RPL19: variants seen among roughly 807,000 people sequenced by gnomAD.
RPL19 encodes large ribosomal subunit protein eL19.
In RPL19, 2 loss-of-function variants were observed where a neutral mutation model predicts 25.1. The ratio of observed to expected loss-of-function variants is 0.08; its 90% CI spans 0.03 to 0.25. RPL19 has a LOEUF of 0.25. Ranked by LOEUF, RPL19 falls within the 10% of genes least tolerant of loss-of-function variation. The probability of loss-of-function intolerance (pLI) is 1.00; values close to 1 mark genes in which losing one functional copy is unlikely to be tolerated. For synonymous variants in RPL19, 89 were observed against 91.2 expected, an observed-to-expected ratio of 0.98 and a Z score of 0.14; for missense variants, 123 against 271.8, an observed-to-expected ratio of 0.45 and a Z score of 3.85.
At chr17:39,204,267 C>T (rs1383725943) in intron 5 of RPL19, 80 bp downstream of exon 5, 2 of 976,102 alleles carry the variant, frequency 2.0e-6, no homozygotes, top group East Asian at 2.5e-5. Context: ...TGTGCCAATG[C>T]CTAAGTCTTG....
At chr17:39,202,662 C>T (rs2046299283) in intron 3 of RPL19, 2 of 616,904 alleles carry the variant, frequency 3.2e-6, no homozygotes, top group Non-Finnish European at 5.6e-6. Context: ...TACACTATGC[C>T]AAGGATTCTG....
chr17:39,200,481 AG>A (rs2046278574), intron 1 of RPL19, 132 bp downstream of exon 1: 2 of 1,298,528 alleles, frequency 1.5e-6, no homozygotes, highest in Non-Finnish European at 2.0e-6. Context: ...GGTTTGGGGT[AG>A]GCCGGAGCAC....
At chr17:39,202,496 T>C in intron 3 of RPL19, 57 bp downstream of exon 3, 3 of 1,597,648 alleles carry the variant, frequency 1.9e-6, no homozygotes, top group Non-Finnish European at 2.6e-6. Context: ...TATGCTGAAA[T>C]ATATTCAGGA....
intron 4 of RPL19, among the ~76,000 whole-genome samples, chr17:39,203,851 T>C (rs138104739): frequency 1.5e-3 from 234 of 152,322 alleles, no homozygotes; most frequent in African/African-American, 5.4e-3. Flanking sequence ...TTCTGGTCTT[T>C]CTTTTTTTCC....
chr17:39,204,132 C>T lies in RPL19; in HGVS notation c.412C>T (p.Leu138Phe), dbSNP rs11554156. The T allele has an allele frequency of 6.2e-7, 1 of 1,613,674 alleles. No homozygotes were observed. The change falls in exon 5 of 6, where the codon CTC (leucine) becomes TTC (phenylalanine). Residue 138 changes from leucine to phenylalanine, a missense_variant. Transcript: ENST00000225430. ...GAATGTGTTCAAAAACAAGCGGATT[C>T]TCATGGAACACATCCACAAGCTGAA... Reference protein sequence around the residue: ...KGNVFKNKRILMEHIHKLKAD... With the variant: ...KGNVFKNKRIFMEHIHKLKAD...
chr17:39,200,570 G>A (rs913623290), intron 1 of RPL19: 10 of 1,287,716 alleles, frequency 7.8e-6, no homozygotes, highest in Non-Finnish European at 8.9e-6. Flanking sequence ...TGCCCCGGCT[G>A]GTGCCGCACC....
intron 3 of RPL19, chr17:39,202,644 T>A: frequency 1.6e-6 from 1 of 641,372 alleles, no homozygotes; most frequent in Admixed American, 2.9e-5. Context: ...ATTTACTAAG[T>A]CCCTACCTAC....
At chr17:39,201,375 A>T in intron 2 of RPL19, 56 bp downstream of exon 2, 3 of 997,372 alleles carry the variant, frequency 3.0e-6, no homozygotes, top group South Asian at 2.7e-5. Flanking sequence ...CCTGCGTCAG[A>T]TTAATGATAA....
chr17:39,204,227 C>A, intron 5 of RPL19, 40 bp downstream of exon 5: 2 of 1,260,532 alleles, frequency 1.6e-6, no homozygotes, highest in Non-Finnish European at 2.3e-6. Context: ...CATTCTTAGA[C>A]CTTTGAGAGT....
rs767370151 is a variant in RPL19, at chr17:39,200,320, T to G, written c.-25T>G. 6.5e-6 allele frequency: 10 copies of G among 1,550,260 alleles called. No individual in the cohort carries two copies. Among genetic ancestry groups the G allele is most frequent in the Admixed American group, 2.1e-5 (1 of 48,406 alleles). ...AGGAGCCGGGCCCGAGCGAGCTCTT[T>G]CCTTTCGCTGCTGCGGCCGCAGCCA... On this transcript the variant is annotated 5_prime_UTR_variant, in exon 1 of 6. Coordinates refer to ENST00000225430, the MANE Select transcript of RPL19 (RefSeq NM_000981.4).
intron 4 of RPL19, 71 bp downstream of exon 4, chr17:39,203,180 T>TTTG: frequency 6.9e-7 from 1 of 1,438,918 alleles, no homozygotes; most frequent in Non-Finnish European, 9.4e-7. Context: ...AGAGATTTTT[T>TTTG]TTTTTTTTTT....
chr17:39,200,303 G>A lies in RPL19; in HGVS notation c.-42G>A, dbSNP rs779757639. 4 of 1,524,500 alleles carry A rather than the reference G, an allele frequency of 2.6e-6. No individual in the cohort carries two copies. Among genetic ancestry groups the A allele is most frequent in the Non-Finnish European group, 2.6e-6 (3 of 1,134,908 alleles). 94.4% of individuals were successfully genotyped at this position (1,524,500 alleles called of 1,614,324 possible). On this transcript the variant is annotated 5_prime_UTR_variant, in exon 1 of 6. Transcript: ENST00000225430. ...CCTTCGCAGATAATGGGAGGAGCCGGGCCCGAGCGAGCTCTTTCCTTTCGC... is the reference window on the plus strand; with the variant it reads ...CCTTCGCAGATAATGGGAGGAGCCGAGCCCGAGCGAGCTCTTTCCTTTCGC...
chr17:39,200,719 C>T (rs560317458), intron 1 of RPL19: 1 of 1,071,568 alleles, frequency 9.3e-7, no homozygotes, highest in African/African-American at 1.7e-5. Flanking sequence ...TAGTGTAGGC[C>T]CCAGGCCTCC....
chr17:39,201,029 G>T (rs1055513803), intron 1 of RPL19, 184 bp from the exon 2 acceptor site: 5 of 551,798 alleles, frequency 9.1e-6, no homozygotes, highest in Admixed American at 3.5e-5. Flanking sequence ...TGAAGGCATA[G>T]CGTGGGTTTT....
Position 39,200,407 on chromosome 17 carries a change from C to G in RPL19, c.5+58C>G, listed in dbSNP as rs115696153. Reference sequence around the variant, plus strand: ...CGCGTGTCGACAAGGGACTGTCGGTCTTGGGACCGCAGCTGGGGTTGGGGG... The same window carrying G: ...CGCGTGTCGACAAGGGACTGTCGGTGTTGGGACCGCAGCTGGGGTTGGGGG... On this transcript the variant is annotated intron_variant, in intron 1 of 5. Transcript: ENST00000225430. 787 of 1,448,398 alleles carry G rather than the reference C, an allele frequency of 5.4e-4. 3 individuals carry two copies. The African/African-American group carries it at 0.011, about 19-fold the overall frequency. 89.7% of individuals were successfully genotyped at this position (1,448,398 alleles called of 1,614,324 possible).
rs747510551 is a variant in RPL19 at position 39,202,372 on chromosome 17, G to T, written c.168G>T (p.Thr56=). ...GGCTGATCATCCGCAAGCCTGTGAC[G>T]GTCCATTCCCGGGCTCGATGCCGGA... ...KDGLIIRKPV[T]VHSRARCRKN... is the part of the protein sequence containing the mutation. The change falls in exon 3 of 6, where the codon ACG becomes ACT. Residue 56 remains threonine (T), a synonymous_variant. Coordinates refer to ENST00000225430, the MANE Select transcript of RPL19 (RefSeq NM_000981.4). 3 of 1,614,176 alleles carry T rather than the reference G, an allele frequency of 1.9e-6. No individual in the cohort carries two copies. Among genetic ancestry groups the T allele is most frequent in the Non-Finnish European group, 2.5e-6 (3 of 1,180,024 alleles).
chr17:39,200,586 C>A (rs912052945), intron 1 of RPL19: 1 of 1,259,828 alleles, frequency 7.9e-7, no homozygotes, highest in Non-Finnish European at 1.0e-6. Flanking sequence ...GCACCGCACA[C>A]GTGTCCGGTC....
chr17:39,202,396 G>A lies in RPL19; in HGVS notation c.192G>A (p.Arg64=), dbSNP rs764124427. 1 of 1,614,198 alleles carries A rather than the reference G, an allele frequency of 6.2e-7. No homozygotes were observed. The highest frequency in any genetic ancestry group is 8.5e-7 in the Non-Finnish European group (1 of 1,180,044). Residue 64 remains arginine, a synonymous_variant, in exon 3 of 6, where the codon CGG becomes CGA. Transcript: ENST00000225430. ...PVTVHSRARC[R]KNTLARRKGR... is the part of the protein sequence containing the mutation. Reference sequence around the variant, plus strand: ...CGGTCCATTCCCGGGCTCGATGCCGGAAAAACACCTTGGCCCGCCGGAAGG... The same window carrying A: ...CGGTCCATTCCCGGGCTCGATGCCGAAAAAACACCTTGGCCCGCCGGAAGG...
At chr17:39,200,853 G>C (rs140015023) in intron 1 of RPL19, 1,348 of 772,556 alleles carry the variant, frequency 1.7e-3, no homozygotes, top group Non-Finnish European at 2.0e-3. Context: ...AATAAGCCCA[G>C]AAAACAGAGT....
Sources: gnomAD v4.1 joint callset for allele counts (sites outside exome capture counted in the v4.1 genomes callset) on GRCh38, gnomAD v4.1.1 for gene constraint, MANE v1.5 for transcripts, NCBI Gene and HGNC (gene_info 2026-07-23, HGNC 2026-07-21) for gene names.